The following TSPAN11 variants were observed in gnomAD, a reference collection of about 807,000 sequenced individuals.
The protein encoded by TSPAN11 is tetraspanin 11.
A neutral mutation model predicts 32.9 loss-of-function variants in TSPAN11; 29 were observed. The ratio of observed to expected loss-of-function variants is 0.88; its 90% confidence interval spans 0.66 to 1.20. The LOEUF is 1.20. Ranked by LOEUF, TSPAN11 falls within the 50% of genes most tolerant of loss-of-function variation. The pLI is 0.00. For synonymous variants in TSPAN11, 140 were observed against 141.3 expected (o/e 0.99, Z 0.07); for missense variants, 283 against 329.1 (o/e 0.86, Z 1.08).
At chr12:30,949,857 G>C (rs1938346889) in intron 1 of TSPAN11, among the ~76,000 whole-genome samples, 1 of 152,140 alleles carries the variant, frequency 6.6e-6, no homozygotes, top group African/African-American at 2.4e-5. Context: ...TTGACAGCAT[G>C]TGGCACTGTG....
chr12:30,976,303 G>A (rs371517809), intron 3 of TSPAN11, among the ~76,000 whole-genome samples: 5 of 152,038 alleles, frequency 3.3e-5, no homozygotes, highest in Non-Finnish European at 4.4e-5. Context: ...TAAACTTTGC[G>A]TCCTACACGA....
At chr12:30,973,015 C>T (rs1336288884) in intron 3 of TSPAN11, among the ~76,000 whole-genome samples, 1 of 152,064 alleles carries the variant, frequency 6.6e-6, no homozygotes, top group Non-Finnish European at 1.5e-5. Flanking sequence ...CACTGACACC[C>T]CTGTGTTCAC....
chr12:30,997,881 C>T (rs757673123), downstream of TSPAN11, among the ~76,000 whole-genome samples: 9 of 152,190 alleles, frequency 5.9e-5, no homozygotes, highest in African/African-American at 4.8e-5. Flanking sequence ...GGGGAGGTCC[C>T]CAGGCAGGGA....
At chr12:30,927,008 A>G (rs1164005791) in intron 1 of TSPAN11, 5 of 1,284,348 alleles carry the variant, frequency 3.9e-6, no homozygotes, top group South Asian at 1.2e-5. Flanking sequence ...GTGAGCAGGT[A>G]TTGGTGTCTG....
At chr12:30,959,757 G>A (rs1383427235) in intron 2 of TSPAN11, among the ~76,000 whole-genome samples, 4 of 146,526 alleles carry the variant, frequency 2.7e-5, no homozygotes, top group Admixed American at 6.8e-5. Context: ...TCCAGGCTGC[G>A]CGACCGAGTG....
rs1412961041 is a variant in TSPAN11 at position 30,957,240 on chromosome 12, C to CA, written c.84+3165_84+3166insA. Among the ~76,000 whole-genome samples, 4 of 143,320 alleles carry CA rather than the reference C, an allele frequency of 2.8e-5. No homozygotes were observed. In the East Asian group the frequency reaches 6.4e-4, roughly 23 times the overall value. The allele number at this position is 143,320 out of a possible 152,430, so 94.0% of individuals were successfully genotyped here. A position where few individuals can be genotyped will look rare whatever the true frequency, so the allele number is the denominator to read the frequency against. On this transcript the variant is annotated intron_variant, in intron 2 of 7. Transcript: ENST00000546076. ...TGAATGGCCTGGGACCCCCCCCCCCCCCACACCATGGTCTTCTGCCCCTCT... is the reference window on the plus strand; with the variant it reads ...TGAATGGCCTGGGACCCCCCCCCCCCACCACACCATGGTCTTCTGCCCCTCT...
At chr12:30,966,232 G>A (rs990411048) in intron 3 of TSPAN11, among the ~76,000 whole-genome samples, 1 of 152,026 alleles carries the variant, frequency 6.6e-6, no homozygotes, top group Non-Finnish European at 1.5e-5. Flanking sequence ...GGTCAGGGTA[G>A]AGCCATAAGA....
intron 7 of TSPAN11, among the ~76,000 whole-genome samples, chr12:30,983,539 A>G (rs1939140326): frequency 6.6e-6 from 1 of 152,036 alleles, no homozygotes; most frequent in Non-Finnish European, 1.5e-5. Flanking sequence ...ATATGTGTTT[A>G]GGGGTGCTTG....
intron 1 of TSPAN11, among the ~76,000 whole-genome samples, chr12:30,946,101 G>A (rs917509065): frequency 6.6e-6 from 1 of 152,188 alleles, no homozygotes; most frequent in African/African-American, 2.4e-5. Flanking sequence ...AGAACTGAAA[G>A]GGGCCTTGAA....
chr12:30,933,699 G>T (rs1275009651), intron 1 of TSPAN11, among the ~76,000 whole-genome samples: 5 of 152,166 alleles, frequency 3.3e-5, no homozygotes, highest in Admixed American at 1.3e-4. Context: ...TGCAGCTCTA[G>T]TGGCTGCAGC....
chr12:30,952,810 C>T (rs753255166), intron 1 of TSPAN11, among the ~76,000 whole-genome samples: 20 of 152,162 alleles, frequency 1.3e-4, no homozygotes, highest in Admixed American at 2.6e-4. Flanking sequence ...ACTGGCTGAT[C>T]GTCTGCCTGA....
intron 1 of TSPAN11, among the ~76,000 whole-genome samples, chr12:30,949,794 GTCC>G (rs1220304163): frequency 6.6e-6 from 1 of 152,018 alleles, no homozygotes; most frequent in Non-Finnish European, 1.5e-5. Flanking sequence ...CCCTCCACCT[GTCC>G]TCCACAGATG....
chr12:30,957,597 A>G (rs1240319268), intron 2 of TSPAN11, among the ~76,000 whole-genome samples: 1 of 151,886 alleles, frequency 6.6e-6, no homozygotes, highest in East Asian at 1.9e-4. Flanking sequence ...TGGTTTCTCC[A>G]TCCAGAATAT....
At chr12:30,938,017 G>A (rs1372367194) in intron 1 of TSPAN11, among the ~76,000 whole-genome samples, 7 of 152,196 alleles carry the variant, frequency 4.6e-5, no homozygotes, top group Admixed American at 4.6e-4. Context: ...AATACTATAT[G>A]GCCAGAGCTA....
At chr12:30,937,190 G>A (rs1938062784) in intron 1 of TSPAN11, among the ~76,000 whole-genome samples, 1 of 152,180 alleles carries the variant, frequency 6.6e-6, no homozygotes, top group South Asian at 2.1e-4. Flanking sequence ...CGGTGGAGGA[G>A]GTCAGACAGT....
intron 3 of TSPAN11, among the ~76,000 whole-genome samples, chr12:30,976,127 C>T: frequency 6.6e-6 from 1 of 152,098 alleles, no homozygotes; most frequent in East Asian, 1.9e-4. Context: ...TCTGATGGGC[C>T]GGGCTTCTCC....
intron 1 of TSPAN11, among the ~76,000 whole-genome samples, chr12:30,946,669 G>C (rs1294464372): frequency 2.0e-5 from 3 of 152,232 alleles, no homozygotes; most frequent in Non-Finnish European, 4.4e-5. Flanking sequence ...GGATTCCTCT[G>C]AGCCCTGGAG....
At chr12:30,972,897 AC>A (rs1465662694) in intron 3 of TSPAN11, among the ~76,000 whole-genome samples, 1 of 151,804 alleles carries the variant, frequency 6.6e-6, no homozygotes, top group Non-Finnish European at 1.5e-5. Context: ...CAGGGCAGTG[AC>A]GGATGCTTAT....
At chr12:30,979,191 T>G (rs147542683) in intron 4 of TSPAN11, among the ~76,000 whole-genome samples, 3 of 152,288 alleles carry the variant, frequency 2.0e-5, no homozygotes, top group Non-Finnish European at 4.4e-5. Flanking sequence ...CAATTATAAG[T>G]ATTTTCAATA....
Sources: gnomAD v4.1 joint callset for allele counts (sites outside exome capture counted in the v4.1 genomes callset) on GRCh38, gnomAD v4.1.1 for gene constraint, MANE v1.5 for transcripts, NCBI Gene and HGNC (gene_info 2026-07-23, HGNC 2026-07-21) for gene names.